IL1RAPL1: variants seen among roughly 807,000 people sequenced by gnomAD.
IL1RAPL1 encodes interleukin 1 receptor accessory protein like 1.
A neutral mutation model predicts 48.4 loss-of-function variants in IL1RAPL1; 3 were observed. That is an observed-to-expected ratio of 0.06 (90% CI 0.03 to 0.16). The LOEUF is 0.16. Ranked by LOEUF, IL1RAPL1 falls within the 10% of genes least tolerant of loss-of-function variation. IL1RAPL1 has a pLI of 1.00. For synonymous variants in IL1RAPL1, 185 were observed against 187.7 expected, an observed-to-expected ratio of 0.99 and a Z score of 0.12; for missense variants, 349 against 530.6, an observed-to-expected ratio of 0.66 and a Z score of 3.36.
At chrX:29,418,110 TATATA>T (rs1934241840) in intron 5 of IL1RAPL1, among the ~76,000 whole-genome samples, 13 of 43,462 alleles carry the variant, frequency 3.0e-4, no homozygotes, top group Admixed American at 7.6e-4. Context: ...TATATATATA[TATATA>T]TATATATATA....
chrX:29,649,374 A>G (rs771395353), intron 5 of IL1RAPL1, among the ~76,000 whole-genome samples: 9 of 111,947 alleles, frequency 8.0e-5, no homozygotes, highest in Non-Finnish European at 1.5e-4. Flanking sequence ...ACCAAATTCA[A>G]CAACACATAA....
At chrX:29,239,397 T>C (rs907304794) in intron 2 of IL1RAPL1, among the ~76,000 whole-genome samples, 5 of 112,717 alleles carry the variant, frequency 4.4e-5, no homozygotes, top group African/African-American at 6.4e-5. Context: ...CCACATTCAA[T>C]TTCCAGTTAA....
At chrX:29,104,852 G>C (rs1311969038) in intron 2 of IL1RAPL1, among the ~76,000 whole-genome samples, 3 of 111,644 alleles carry the variant, frequency 2.7e-5, no homozygotes. Flanking sequence ...TTTCTGCCCC[G>C]CTATCTTTTA....
intron 3 of IL1RAPL1, among the ~76,000 whole-genome samples, chrX:29,377,557 A>G (rs1272395195): frequency 3.6e-5 from 4 of 112,158 alleles, no homozygotes; most frequent in Non-Finnish European, 7.5e-5. Context: ...GGTCTAGTTA[A>G]AACTAATTCC....
intron 6 of IL1RAPL1, among the ~76,000 whole-genome samples, chrX:29,713,407 A>G (rs1345394026): frequency 8.9e-6 from 1 of 112,018 alleles, no homozygotes; most frequent in Non-Finnish European, 1.9e-5. Context: ...TGTTTAGAGC[A>G]AAGGATTTTC....
intron 1 of IL1RAPL1, among the ~76,000 whole-genome samples, chrX:28,650,700 T>G (rs773993231): frequency 1.9e-4 from 21 of 111,714 alleles, no homozygotes; most frequent in African/African-American, 6.8e-4. Flanking sequence ...CTATGCAACT[T>G]TATTAGAAGA....
At position 29,354,476 on chromosome X, in the gene IL1RAPL1, A is replaced by T. The variant is rs141249113; in HGVS notation, c.363-41782A>T. On this transcript the variant is annotated intron_variant, in intron 3 of 10. Coordinates refer to ENST00000378993, the MANE Select transcript of IL1RAPL1 (RefSeq NM_014271.4). The stretch of plus-strand genomic sequence containing the variant: ...AGTTGGGCAAAATCGCTTGACACAA[A>T]ACCTATTTTATGATCTCATGTAATT... 3.1e-3 allele frequency among the ~76,000 whole-genome samples: 345 copies of T among 111,781 alleles called. 1 individual carries two copies. Among genetic ancestry groups the T allele is most frequent in the African/African-American group, 0.01 (320 of 30,832 alleles).
intron 2 of IL1RAPL1, among the ~76,000 whole-genome samples, chrX:29,087,009 A>AT (rs777911090): frequency 8.9e-6 from 1 of 111,799 alleles, no homozygotes; most frequent in South Asian, 3.7e-4. Context: ...AAGTTCCAGA[A>AT]TTGTCAGGCA....
At chrX:29,076,880 A>G (rs932756109) in intron 2 of IL1RAPL1, among the ~76,000 whole-genome samples, 1 of 111,092 alleles carries the variant, frequency 9.0e-6, no homozygotes, top group Non-Finnish European at 1.9e-5. Flanking sequence ...AATGAAAAGC[A>G]AAGAAAAAAG....
Position 29,649,624 on chromosome X carries a change from CAT to C in IL1RAPL1, c.704-18803_704-18802del, listed in dbSNP as rs1472539266. 1.1e-4 allele frequency among the ~76,000 whole-genome samples: 12 copies of C among 111,276 alleles called. No individual in the cohort carries two copies. The East Asian group carries it at 3.4e-3, about 31-fold the overall frequency. Reference sequence around the variant, plus strand: ...CAGTGCACCTCATGACCATAAAGACCATATGTGACAAACCTACAGCTAACATC... The same window carrying C: ...CAGTGCACCTCATGACCATAAAGACCATGTGACAAACCTACAGCTAACATC... On this transcript the variant is annotated intron_variant, in intron 5 of 10. Coordinates refer to ENST00000378993, the MANE Select transcript of IL1RAPL1 (RefSeq NM_014271.4).
At chrX:29,546,695 A>G (rs764894242) in intron 5 of IL1RAPL1, among the ~76,000 whole-genome samples, 2 of 111,597 alleles carry the variant, frequency 1.8e-5, no homozygotes, top group South Asian at 3.8e-4. Flanking sequence ...TCTCACCTTC[A>G]GAGTAACTGA....
chrX:29,017,937 A>G (rs1464074132), intron 2 of IL1RAPL1, among the ~76,000 whole-genome samples: 1 of 111,666 alleles, frequency 9.0e-6, no homozygotes, highest in Non-Finnish European at 1.9e-5. Flanking sequence ...CTTGACTGTC[A>G]CTGTTTTTCA....
At chrX:29,551,080 T>A (rs1043281371) in intron 5 of IL1RAPL1, among the ~76,000 whole-genome samples, 2 of 112,441 alleles carry the variant, frequency 1.8e-5, no homozygotes, top group African/African-American at 6.5e-5. Flanking sequence ...TCTTTTTGGG[T>A]ACTGGCATAT....
chrX:29,380,507 G>A (rs1249892329), intron 3 of IL1RAPL1, among the ~76,000 whole-genome samples: 1 of 112,258 alleles, frequency 8.9e-6, no homozygotes, highest in African/African-American at 3.2e-5. Context: ...GATTACAGGT[G>A]TGAGCCACTG....
At chrX:28,908,800 A>G (rs1198757110) in intron 2 of IL1RAPL1, among the ~76,000 whole-genome samples, 2 of 111,854 alleles carry the variant, frequency 1.8e-5, no homozygotes, top group Non-Finnish European at 3.8e-5. Context: ...GAAATCTCCA[A>G]CTTTAATAGT....
intron 2 of IL1RAPL1, among the ~76,000 whole-genome samples, chrX:28,967,275 C>T (rs1924944635): frequency 9.0e-6 from 1 of 111,486 alleles, no homozygotes. Flanking sequence ...AAAATAGGCA[C>T]TGAAGCTTTA....
intron 8 of IL1RAPL1, among the ~76,000 whole-genome samples, chrX:29,929,976 G>A: frequency 9.0e-6 from 1 of 111,702 alleles, no homozygotes; most frequent in Non-Finnish European, 1.9e-5. Flanking sequence ...ATTTAGTTAG[G>A]CTTCTTCGGT....
chrX:29,782,888 A>ATTTTTTTT lies in IL1RAPL1; in HGVS notation c.778+114411_778+114418dup, dbSNP rs780831874. ...GAAGATAAAATGGGTTGATCGTGAC[A>ATTTTTTTT]TTTTTTTTTTTTTTTTTTTTTTTTT... On this transcript the variant is annotated intron_variant, in intron 6 of 10. Transcript: ENST00000378993. Among the ~76,000 whole-genome samples the ATTTTTTTT allele has an allele frequency of 7.7e-4, 24 of 31,077 alleles. 2 individuals carry two copies. Among genetic ancestry groups the ATTTTTTTT allele is most frequent in the Non-Finnish European group, 9.2e-4 (17 of 18,484 alleles). 27.0% of individuals were successfully genotyped at this position (31,077 alleles called of 115,157 possible).
intron 2 of IL1RAPL1, among the ~76,000 whole-genome samples, chrX:28,945,195 A>G (rs1924265432): frequency 9.0e-6 from 1 of 111,428 alleles, no homozygotes; most frequent in African/African-American, 3.3e-5. Context: ...CAGTGTGGCG[A>G]TTCCTCCAGG....
Sources: allele counts gnomAD v4.1 joint callset (sites outside exome capture counted in the v4.1 genomes callset), GRCh38; gene constraint gnomAD v4.1.1; transcripts MANE v1.5; gene names NCBI Gene and HGNC (gene_info 2026-07-23, HGNC 2026-07-21).